Variants in GEMIN7 observed in about 807,000 individuals in gnomAD.
The protein encoded by GEMIN7 is gem-associated protein 7.
GEMIN7 carries 7 observed loss-of-function variants against 7.8 expected under a neutral mutation model. That is an observed-to-expected ratio of 0.90 (90% CI 0.51 to 1.69). The LOEUF (loss-of-function observed/expected upper bound fraction) is 1.69. Among genes scored for constraint, GEMIN7 ranks in the 40% most tolerant of loss-of-function variants. The pLI, the probability that GEMIN7 is intolerant of heterozygous loss-of-function variation, is 0.00. For missense variants in GEMIN7, 159 were observed against 176.2 expected, an observed-to-expected ratio of 0.90 and a Z score of 0.55; for synonymous variants, 68 against 72.4, an observed-to-expected ratio of 0.94 and a Z score of 0.31.
At chr19:45,088,122 T>G (rs1967765387) in intron 2 of GEMIN7, among the ~76,000 whole-genome samples, 1 of 151,348 alleles carries the variant, frequency 6.6e-6, no homozygotes, top group African/African-American at 2.4e-5. Context: ...ATTTTTGTAT[T>G]TTTCGTAGAG....
At chr19:45,083,111 G>A (rs544480157) in intron 2 of GEMIN7, among the ~76,000 whole-genome samples, 4 of 152,272 alleles carry the variant, frequency 2.6e-5, no homozygotes, top group African/African-American at 9.6e-5. Context: ...CCTCTGCTAC[G>A]TATTTTGCCA....
chr19:45,079,829 A>T (rs758637404), intron 1 of GEMIN7, 78 bp from the exon 2 acceptor site: 4 of 152,246 alleles, frequency 2.6e-5, no homozygotes, highest in Non-Finnish European at 5.9e-5. Context: ...GCTAATTTGC[A>T]TCAAGATTCA....
chr19:45,080,374 ATTTTTTT>A lies in GEMIN7; in HGVS notation c.-9+358_-9+364del, dbSNP rs765472967. Among the ~76,000 whole-genome samples the A allele has an allele frequency of 1.1e-3, 155 of 134,878 alleles. 1 individual carries two copies. The highest frequency in any genetic ancestry group is 3.4e-3 in the African/African-American group (122 of 35,738). The allele number at this position is 134,878 out of a possible 152,430, so 88.5% of individuals were successfully genotyped here. ...CCCTCCAGCTTGCACCAAGGAAATGATTTTTTTTTTTTTTTTTTTGAAACAGAGTCTC... is the reference window on the plus strand; with the variant it reads ...CCCTCCAGCTTGCACCAAGGAAATGATTTTTTTTTTTTGAAACAGAGTCTC... On this transcript the variant is annotated intron_variant, in intron 2 of 2. Coordinates refer to ENST00000270257, the MANE Select transcript of GEMIN7 (RefSeq NM_024707.3).
intron 2 of GEMIN7, among the ~76,000 whole-genome samples, chr19:45,087,172 A>G (rs757765261): frequency 2.3e-5 from 3 of 132,744 alleles, no homozygotes; most frequent in Non-Finnish European, 4.9e-5. Flanking sequence ...GAGATAGAGT[A>G]TTGCTCTGTT....
At chr19:45,082,621 ATTT>A (rs1252852177) in intron 2 of GEMIN7, among the ~76,000 whole-genome samples, 1 of 147,270 alleles carries the variant, frequency 6.8e-6, no homozygotes, top group African/African-American at 2.5e-5. Context: ...GGATGAGTGA[ATTT>A]TTTTTTTTTT....
At position 45,090,455 on chromosome 19, in the gene GEMIN7, A is replaced by C; in HGVS notation, c.341A>C (p.Gln114Pro). The C allele has an allele frequency of 6.2e-7, 1 of 1,613,946 alleles. No homozygotes were observed. The highest frequency in any genetic ancestry group is 8.5e-7 in the Non-Finnish European group (1 of 1,179,980). ...VSQLQTPIGVQAEALLRCSDI... is the reference protein window; with the variant it reads ...VSQLQTPIGVPAEALLRCSDI... ...CAGCTGCAGACTCCCATAGGTGTGC[A>C]AGCAGAGGCGCTGCTCCGATGTAGT... Residue 114 changes from glutamine (Q) to proline (P), a missense_variant, in exon 3 of 3, where the codon CAA becomes CCA. By Grantham distance (76) the Gln-to-Pro change is moderately conservative (BLOSUM62 -1). Transcript: ENST00000270257.
At chr19:45,078,028 C>T (rs766920293), upstream of GEMIN7, among the ~76,000 whole-genome samples, 13 of 151,930 alleles carry the variant, frequency 8.6e-5, no homozygotes, top group Non-Finnish European at 1.6e-4. Flanking sequence ...CTGCACTCAG[C>T]CTCAGACCAC....
Position 45,085,890 on chromosome 19 carries a change from C to T in GEMIN7, c.-8-4217C>T, listed in dbSNP as rs552410372. ...TTTTTTTTTTTTTTTTTTTTTGAGA[C>T]GGAGTCTCGCTCTGTCGCCCAGGCT... On this transcript the variant is annotated intron_variant, in intron 2 of 2. Coordinates refer to ENST00000270257, the MANE Select transcript of GEMIN7 (RefSeq NM_024707.3). 2.0e-4 allele frequency among the ~76,000 whole-genome samples: 8 copies of T among 40,030 alleles called. No individual in the cohort carries two copies. The South Asian group carries it at 3.1e-3, about 15-fold the overall frequency. 26.3% of individuals were successfully genotyped at this position (40,030 alleles called of 152,430 possible).
At chr19:45,076,142 C>T, upstream of GEMIN7, 4 of 1,546,200 alleles carry the variant, frequency 2.6e-6, no homozygotes, top group Admixed American at 2.2e-5. This position sits in a 1 kb window ranked among gnomAD's most constrained non-coding sequence, Gnocchi z 4.9. Flanking sequence ...GCGAGGAGGG[C>T]GGCCCCGGCG....
intron 2 of GEMIN7, 170 bp from the exon 3 acceptor site, chr19:45,089,937 C>T (rs1309363866): frequency 6.2e-6 from 4 of 645,910 alleles, no homozygotes; most frequent in Non-Finnish European, 1.1e-5. Context: ...ACTTTTGTTT[C>T]TGATCCAAGC....
upstream of GEMIN7, among the ~76,000 whole-genome samples, chr19:45,078,226 G>A (rs951597031): frequency 6.7e-6 from 1 of 148,748 alleles, no homozygotes; most frequent in Non-Finnish European, 1.5e-5. Flanking sequence ...CTGAGCCTCC[G>A]GAGTAGCTGG....
At chr19:45,080,592 TG>T (rs1967466950) in intron 2 of GEMIN7, among the ~76,000 whole-genome samples, 1 of 152,068 alleles carries the variant, frequency 6.6e-6, no homozygotes, top group Admixed American at 6.5e-5. Flanking sequence ...TTAGCCAGGC[TG>T]GTCTTAAACT....
At chr19:45,081,524 GAA>G (rs11292380) in intron 2 of GEMIN7, among the ~76,000 whole-genome samples, 19 of 144,472 alleles carry the variant, frequency 1.3e-4, no homozygotes, top group African/African-American at 2.8e-4. Context: ...TCCCTGTCAG[GAA>G]AAAAAAAAAA....
intron 2 of GEMIN7, among the ~76,000 whole-genome samples, chr19:45,086,035 T>G (rs1290888297): frequency 6.7e-6 from 1 of 149,872 alleles, no homozygotes; most frequent in Middle Eastern, 3.2e-3. Context: ...GCCCGGCTAA[T>G]TTTTTGTATT....
chr19:45,089,720 A>G (rs1241109302), intron 2 of GEMIN7, among the ~76,000 whole-genome samples: 1 of 151,834 alleles, frequency 6.6e-6, no homozygotes, highest in Non-Finnish European at 1.5e-5. Context: ...GTCTCGCTAT[A>G]TTGCCCAGGC....
upstream of GEMIN7, chr19:45,076,249 G>C (rs751118513): frequency 4.0e-5 from 60 of 1,506,002 alleles, no homozygotes; most frequent in Non-Finnish European, 5.3e-5. This position sits in a 1 kb window ranked among gnomAD's most constrained non-coding sequence, Gnocchi z 4.9. Flanking sequence ...GGCCTGTTGG[G>C]GCTGCGCGTC....
intron 2 of GEMIN7, among the ~76,000 whole-genome samples, chr19:45,086,910 G>C (rs1030045109): frequency 6.7e-6 from 1 of 150,256 alleles, no homozygotes; most frequent in African/African-American, 2.5e-5. Flanking sequence ...GCAGTGGCGA[G>C]ATCTCCGCTT....
upstream of GEMIN7, chr19:45,075,648 G>A: frequency 6.3e-7 from 1 of 1,579,580 alleles, no homozygotes; most frequent in African/African-American, 1.3e-5. Flanking sequence ...GTCCAGCCCA[G>A]CCCCTTTCCA....
chr19:45,082,649 T>C (rs10416359), intron 2 of GEMIN7, among the ~76,000 whole-genome samples: 90,503 of 151,696 alleles, frequency 0.6, 27,660 homozygotes, highest in African/African-American at 0.69. Flanking sequence ...CAGGGTCTCA[T>C]ACTCTGTCAC....
Sources: allele counts gnomAD v4.1 joint callset (sites outside exome capture counted in the v4.1 genomes callset), GRCh38; gene constraint gnomAD v4.1.1; non-coding constraint Gnocchi (gnomAD v3.1); transcripts MANE v1.5; gene names NCBI Gene and HGNC (gene_info 2026-07-23, HGNC 2026-07-21).